The following KCNA6 variants were observed in gnomAD, a reference collection of about 807,000 sequenced individuals.
KCNA6 encodes the protein potassium voltage-gated channel subfamily A member 6.
In KCNA6, 17 loss-of-function variants were observed where a neutral mutation model predicts 29.5. The observed-to-expected ratio is 0.58, with a 90% CI of 0.39 to 0.86. The LOEUF is 0.86. Ranked by LOEUF, KCNA6 falls within the 40% of genes least tolerant of loss-of-function variation. The pLI is 0.00. For synonymous variants in KCNA6, 296 were observed against 304.7 expected, an observed-to-expected ratio of 0.97 and a Z score of 0.30; for missense variants, 450 against 703.4, an observed-to-expected ratio of 0.64 and a Z score of 4.07.
At chr12:4,845,871 C>T in the KCNA6 span, among the ~76,000 whole-genome samples, 2 of 151,900 alleles carry the variant, frequency 1.3e-5, no homozygotes, top group African/African-American at 4.8e-5. Flanking sequence ...CCTTCAGAAA[C>T]AATTTCTTGG....
the KCNA6 span, among the ~76,000 whole-genome samples, chr12:4,836,550 G>C: frequency 6.6e-6 from 1 of 152,200 alleles, no homozygotes; most frequent in Non-Finnish European, 1.5e-5. Context: ...AGGATGCTGT[G>C]TTCAAGGAGC....
chr12:4,814,272 G>A (rs1946660731), downstream of KCNA6: 1 of 167,090 alleles, frequency 6.0e-6, no homozygotes, highest in Non-Finnish European at 1.5e-5. This position sits in a 1 kb window ranked among gnomAD's most constrained non-coding sequence, Gnocchi z 4.6. Flanking sequence ...GTCGAGGGGA[G>A]CCCTTAGAGG....
In KCNA6 at chr12:4,811,287, G is replaced by A. The variant is rs1360420986; in HGVS notation, c.1246G>A (p.Ala416Thr). The A allele has an allele frequency of 2.5e-6, 4 of 1,614,108 alleles. No individual in the cohort carries two copies. The highest frequency in any genetic ancestry group is 3.4e-6 in the Non-Finnish European group (4 of 1,180,046). ...CAGCATCCCGGATGCCTTCTGGTGG[G>A]CAGTGGTTACAATGACCACGGTAGG... Residue 416 changes from alanine to threonine, a missense_variant, in exon 1 of 1, where the codon GCA (alanine) becomes ACA (threonine). Transcript: ENST00000280684. The surrounding 1 kb of genome is among the most constrained non-coding windows in gnomAD (Gnocchi z 7.1).
the KCNA6 span, among the ~76,000 whole-genome samples, chr12:4,827,667 A>T: frequency 6.6e-6 from 1 of 152,210 alleles, no homozygotes; most frequent in Non-Finnish European, 1.5e-5. Flanking sequence ...TGTAGTGCCT[A>T]GGTCACCTCA....
the KCNA6 span, among the ~76,000 whole-genome samples, chr12:4,822,904 T>C: frequency 6.6e-6 from 1 of 152,260 alleles, no homozygotes; most frequent in Non-Finnish European, 1.5e-5. Flanking sequence ...GTTTCAGCTC[T>C]CAGGTGGAAT....
chr12:4,811,830 A>C lies in KCNA6; in HGVS notation c.*199A>C. Reference sequence around the variant, plus strand: ...TGCAGCATTCAAGGTTAATCCATCTAAGTGACATTTTTGAAATTCCAGCGG... The same window carrying C: ...TGCAGCATTCAAGGTTAATCCATCTCAGTGACATTTTTGAAATTCCAGCGG... On this transcript the variant is annotated 3_prime_UTR_variant, in exon 1 of 1. Coordinates refer to ENST00000280684, the Ensembl canonical transcript of KCNA6. The surrounding 1 kb of genome is among the most constrained non-coding windows in gnomAD (Gnocchi z 7.1). 1 of 616,750 alleles carries C rather than the reference A, an allele frequency of 1.6e-6. No individual in the cohort carries two copies. Among genetic ancestry groups the C allele is most frequent in the East Asian group, 2.9e-5 (1 of 34,640 alleles). 38.2% of individuals were successfully genotyped at this position (616,750 alleles called of 1,614,324 possible). A position where few individuals can be genotyped will look rare whatever the true frequency, so the allele number is the denominator to read the frequency against.
At chr12:4,832,398 G>A in the KCNA6 span, among the ~76,000 whole-genome samples, 1 of 152,194 alleles carries the variant, frequency 6.6e-6, no homozygotes, top group African/African-American at 2.4e-5. Context: ...AGAGGTGCAG[G>A]GACGCACAGG....
At chr12:4,822,583 T>C in the KCNA6 span, among the ~76,000 whole-genome samples, 2 of 152,196 alleles carry the variant, frequency 1.3e-5, no homozygotes, top group Non-Finnish European at 2.9e-5. Context: ...GAATGTGTGA[T>C]GTAATTCAGA....
At chr12:4,843,544 C>T in the KCNA6 span, among the ~76,000 whole-genome samples, 84,801 of 151,898 alleles carry the variant, frequency 0.56, 24,169 homozygotes, top group Middle Eastern at 0.6. Flanking sequence ...ACAATAGTTA[C>T]GTTAGGCCAT....
At chr12:4,845,974 G>A in the KCNA6 span, among the ~76,000 whole-genome samples, 371 of 112,698 alleles carry the variant, frequency 3.3e-3, 3 homozygotes, top group Non-Finnish European at 4.4e-3. Flanking sequence ...GACATGTTTC[G>A]AATTTTAGAG....
At chr12:4,849,342 A>G in the KCNA6 span, among the ~76,000 whole-genome samples, 1 of 152,032 alleles carries the variant, frequency 6.6e-6, no homozygotes, top group Non-Finnish European at 1.5e-5. Flanking sequence ...GTGCCTGTAC[A>G]GTCTTTTCCT....
At chr12:4,819,816 C>A in the KCNA6 span, among the ~76,000 whole-genome samples, 1 of 152,328 alleles carries the variant, frequency 6.6e-6, no homozygotes, top group Admixed American at 6.5e-5. Flanking sequence ...ATTAGCTGTA[C>A]CTCATTTAAC....
chr12:4,848,787 A>G, the KCNA6 span, among the ~76,000 whole-genome samples: 1 of 152,164 alleles, frequency 6.6e-6, no homozygotes, highest in Non-Finnish European at 1.5e-5. Context: ...ACTCTAGATC[A>G]GATGGACTTC....
downstream of KCNA6, chr12:4,813,798 C>T (rs766444372): frequency 1.8e-4 from 30 of 167,080 alleles, no homozygotes; most frequent in Non-Finnish European, 2.9e-5. Flanking sequence ...AGCTCCCAGC[C>T]GAGGGTAAAA....
the KCNA6 span, among the ~76,000 whole-genome samples, chr12:4,847,307 G>A: frequency 1.3e-5 from 2 of 152,062 alleles, no homozygotes; most frequent in African/African-American, 4.8e-5. Context: ...TGGGCACTCT[G>A]GGTCTGGAAA....
chr12:4,819,445 C>T, the KCNA6 span, among the ~76,000 whole-genome samples: 3 of 152,218 alleles, frequency 2.0e-5, no homozygotes, highest in Non-Finnish European at 4.4e-5. Context: ...GTCACCTTCA[C>T]GGCCCCCTTT....
the KCNA6 span, among the ~76,000 whole-genome samples, chr12:4,819,363 C>T: frequency 1.3e-5 from 2 of 152,240 alleles, no homozygotes; most frequent in African/African-American, 4.8e-5. Flanking sequence ...CCAGAGTTTT[C>T]CTACCCTGTT....
chr12:4,811,718 C>T lies in KCNA6; in HGVS notation c.*87C>T, dbSNP rs1240250487. ...TCATTTCCACTACTCACTCTAGCTT[C>T]AGTTGACTTCTTGACTCTCTCCCCT... On this transcript the variant is annotated 3_prime_UTR_variant, in exon 1 of 1. Transcript: ENST00000280684. This position sits in a 1 kb window ranked among gnomAD's most constrained non-coding sequence, Gnocchi z 7.1. 1.4e-6 allele frequency: 2 copies of T among 1,467,796 alleles called. No homozygotes were observed. The highest frequency in any genetic ancestry group is 1.4e-5 in the African/African-American group (1 of 71,040). The allele number at this position is 1,467,796 out of a possible 1,614,324, so 90.9% of individuals were successfully genotyped here.
chr12:4,832,550 C>T, the KCNA6 span, among the ~76,000 whole-genome samples: 1 of 152,082 alleles, frequency 6.6e-6, no homozygotes, highest in East Asian at 1.9e-4. Context: ...TCTGTTCATT[C>T]TTCACCTCAT....
Sources: gnomAD v4.1 joint callset for allele counts (sites outside exome capture counted in the v4.1 genomes callset) on GRCh38, gnomAD v4.1.1 for gene constraint, Gnocchi (gnomAD v3.1) non-coding constraint, MANE v1.5 for transcripts, NCBI Gene and HGNC (gene_info 2026-07-23, HGNC 2026-07-21) for gene names.